The following ACSS3 variants were observed in gnomAD, a reference collection of about 807,000 sequenced individuals.
The protein encoded by ACSS3 is acyl-CoA synthetase short chain family member 3.
A neutral mutation model predicts 84.2 loss-of-function variants in ACSS3; 64 were observed. That is an observed-to-expected ratio of 0.76 (90% CI 0.62 to 0.94). The LOEUF is 0.94. ACSS3 is among the 40% of genes least tolerant of loss of function. The probability of loss-of-function intolerance (pLI) is 0.00; values close to 1 mark genes in which losing one functional copy is unlikely to be tolerated. For missense variants in ACSS3, 815 were observed against 867.6 expected, an observed-to-expected ratio of 0.94 and a Z score of 0.76; for synonymous variants, 317 against 310.1, an observed-to-expected ratio of 1.02 and a Z score of -0.23.
intron 7 of ACSS3, among the ~76,000 whole-genome samples, chr12:81,161,329 T>C (rs908005448): frequency 1.3e-5 from 2 of 152,202 alleles, no homozygotes; most frequent in African/African-American, 2.4e-5. Context: ...GAAAACTCGG[T>C]GGTCTCTCCC....
At chr12:81,138,537 T>C (rs1314608815) in intron 3 of ACSS3, among the ~76,000 whole-genome samples, 6 of 152,190 alleles carry the variant, frequency 3.9e-5, no homozygotes, top group South Asian at 2.1e-4. Context: ...GAGTATAAAG[T>C]GTATCTTAAG....
chr12:81,124,162 A>AT (rs1294859246), intron 2 of ACSS3, among the ~76,000 whole-genome samples: 3 of 151,698 alleles, frequency 2.0e-5, no homozygotes, highest in Non-Finnish European at 4.4e-5. Context: ...TTGTTTTTTG[A>AT]TTTTTTAATA....
chr12:81,185,122 A>C (rs1428525127), intron 8 of ACSS3, among the ~76,000 whole-genome samples: 1 of 151,824 alleles, frequency 6.6e-6, no homozygotes, highest in Non-Finnish European at 1.5e-5. Context: ...GATCATCATA[A>C]TTAACATAAA....
intron 2 of ACSS3, among the ~76,000 whole-genome samples, chr12:81,134,047 A>T (rs527940824): frequency 1.3e-5 from 2 of 151,834 alleles, no homozygotes; most frequent in South Asian, 2.1e-4. Flanking sequence ...GGGAAGAGAC[A>T]TTTATATGTT....
chr12:81,080,256 C>T (rs1293836190), intron 1 of ACSS3, among the ~76,000 whole-genome samples: 1 of 151,742 alleles, frequency 6.6e-6, no homozygotes, highest in Admixed American at 6.6e-5. Flanking sequence ...CAGGAGAGAG[C>T]TTTGGAAGTG....
intron 2 of ACSS3, among the ~76,000 whole-genome samples, chr12:81,118,481 A>ATGCT (rs1231977018): frequency 1.3e-5 from 2 of 152,294 alleles, no homozygotes; most frequent in Admixed American, 1.3e-4. Context: ...AATGTCATAT[A>ATGCT]TGCTTTCTAC....
At chr12:81,192,815 A>G (rs760775918) in intron 8 of ACSS3, among the ~76,000 whole-genome samples, 1 of 152,232 alleles carries the variant, frequency 6.6e-6, no homozygotes, top group African/African-American at 2.4e-5. Flanking sequence ...GAAGGAAAAC[A>G]GTTAAGACAA....
At chr12:81,116,116 G>A (rs1431841525) in intron 2 of ACSS3, among the ~76,000 whole-genome samples, 1 of 151,844 alleles carries the variant, frequency 6.6e-6, no homozygotes, top group Non-Finnish European at 1.5e-5. Context: ...TACATATAAT[G>A]TACACAAGCA....
At chr12:81,165,769 A>G (rs1462908349) in intron 7 of ACSS3, among the ~76,000 whole-genome samples, 1 of 152,224 alleles carries the variant, frequency 6.6e-6, no homozygotes, top group Non-Finnish European at 1.5e-5. Flanking sequence ...GTCATCACCT[A>G]TGATAAATAC....
rs1240445373 is a variant in ACSS3 at position 81,178,215 on chromosome 12, C to CA, written c.1250+3282dup. ...CATTCTTAGTAAACTATCTCAAGGA[C>CA]AAAAAACCAAACACCGCATGTTCTC... On this transcript the variant is annotated intron_variant, in intron 8 of 15. Coordinates refer to ENST00000548058, the MANE Select transcript of ACSS3 (RefSeq NM_024560.4). 8.1e-5 allele frequency among the ~76,000 whole-genome samples: 12 copies of CA among 148,676 alleles called. No homozygotes were observed. The East Asian group carries it at 1.2e-3, about 15-fold the overall frequency.
chr12:81,199,273 T>C, intron 8 of ACSS3, 68 bp from the exon 9 acceptor site: 3 of 1,403,498 alleles, frequency 2.1e-6, no homozygotes, highest in Non-Finnish European at 2.9e-6. Flanking sequence ...CCAATGTTTT[T>C]AAAATGTAAA....
chr12:81,201,169 T>C (rs959309227), intron 9 of ACSS3, among the ~76,000 whole-genome samples: 1 of 152,196 alleles, frequency 6.6e-6, no homozygotes, highest in Admixed American at 6.6e-5. Context: ...TGAAGAATTA[T>C]TGCATCTGCA....
At chr12:81,087,404 A>G (rs1881386928) in intron 1 of ACSS3, among the ~76,000 whole-genome samples, 1 of 152,048 alleles carries the variant, frequency 6.6e-6, no homozygotes, top group Non-Finnish European at 1.5e-5. Context: ...CAGGAGAAGA[A>G]GAAGAGCAGG....
chr12:81,221,931 G>C (rs566994439), intron 11 of ACSS3, among the ~76,000 whole-genome samples: 15 of 151,992 alleles, frequency 9.9e-5, no homozygotes, highest in Non-Finnish European at 2.2e-4. Context: ...GGCATTTGAT[G>C]CCAGCACAGT....
At chr12:81,083,596 G>A (rs1183124485) in intron 1 of ACSS3, among the ~76,000 whole-genome samples, 8 of 151,734 alleles carry the variant, frequency 5.3e-5, no homozygotes, top group East Asian at 2.0e-4. Flanking sequence ...TCCTGACCTC[G>A]TGATCCGCTC....
chr12:81,219,985 A>G, intron 10 of ACSS3, 28 bp from the exon 11 acceptor site: 1 of 1,393,230 alleles, frequency 7.2e-7, no homozygotes, highest in South Asian at 1.6e-5. Context: ...ATGAATTTTT[A>G]TTCAAATATT....
At chr12:81,231,249 G>A (rs1158242083) in intron 12 of ACSS3, 111 bp downstream of exon 12, 5 of 861,230 alleles carry the variant, frequency 5.8e-6, no homozygotes, top group African/African-American at 1.7e-5. Flanking sequence ...AACTTTTAAA[G>A]GTTATCTGGA....
At chr12:81,083,681 G>GA (rs948694723) in intron 1 of ACSS3, among the ~76,000 whole-genome samples, 1 of 151,730 alleles carries the variant, frequency 6.6e-6, no homozygotes, top group African/African-American at 2.4e-5. Context: ...CTTTAAAGAA[G>GA]AAAAAATGGG....
At chr12:81,208,181 T>C (rs2032430147) in intron 9 of ACSS3, among the ~76,000 whole-genome samples, 1 of 152,162 alleles carries the variant, frequency 6.6e-6, no homozygotes, top group Non-Finnish European at 1.5e-5. Context: ...CGTGATGCTG[T>C]GATTAATATG....
Sources: gnomAD v4.1 joint callset for allele counts (sites outside exome capture counted in the v4.1 genomes callset) on GRCh38, gnomAD v4.1.1 for gene constraint, MANE v1.5 for transcripts, NCBI Gene and HGNC (gene_info 2026-07-23, HGNC 2026-07-21) for gene names.